The following ARPP21 variants were observed in gnomAD, a reference collection of about 807,000 sequenced individuals.
The protein encoded by ARPP21 is cAMP-regulated phosphoprotein 21.
In ARPP21, 69 loss-of-function variants were observed where a neutral mutation model predicts 113.2. The ratio of observed to expected loss-of-function variants is 0.61; its 90% CI spans 0.50 to 0.74. The LOEUF (loss-of-function observed/expected upper bound fraction) is 0.74. Ranked by LOEUF, ARPP21 falls within the 30% of genes least tolerant of loss-of-function variation. The pLI, the probability that ARPP21 is intolerant of heterozygous loss-of-function variation, is 0.00. For missense variants in ARPP21, 1,070 were observed against 1,037.4 expected (o/e 1.03, Z -0.43); for synonymous variants, 368 against 375.5 (o/e 0.98, Z 0.23).
At chr3:35,663,488 A>C (rs1575552151) in intron 1 of ARPP21, among the ~76,000 whole-genome samples, 1 of 152,202 alleles carries the variant, frequency 6.6e-6, no homozygotes, top group East Asian at 1.9e-4. Context: ...AATGGAGATA[A>C]TTGTGTAACA....
At chr3:35,753,858 A>C (rs2095483505) in intron 19 of ARPP21, among the ~76,000 whole-genome samples, 2 of 152,004 alleles carry the variant, frequency 1.3e-5, no homozygotes, top group Non-Finnish European at 2.9e-5. Context: ...AATGTACCTT[A>C]ATGGAATTTA....
intron 11 of ARPP21, 195 bp from the exon 12 acceptor site, chr3:35,715,244 C>A (rs1053663505): frequency 2.0e-5 from 11 of 546,850 alleles, no homozygotes; most frequent in African/African-American, 1.9e-4. Context: ...AGGAAAAATA[C>A]CCTATGCTGC....
chr3:35,683,170 A>G (rs1271141047), intron 4 of ARPP21, among the ~76,000 whole-genome samples: 3 of 151,806 alleles, frequency 2.0e-5, no homozygotes, highest in Non-Finnish European at 4.4e-5. Context: ...AGTACTTTAC[A>G]AAACAAATGA....
At chr3:35,728,849 T>C (rs554480129) in intron 14 of ARPP21, among the ~76,000 whole-genome samples, 152 of 152,300 alleles carry the variant, frequency 1.0e-3, no homozygotes, top group African/African-American at 3.4e-3. Flanking sequence ...TTCAGAACCA[T>C]GCACATGAAC....
chr3:35,675,643 T>C lies in ARPP21; in HGVS notation c.-212-4144T>C, dbSNP rs80337026. Among the ~76,000 whole-genome samples, 586 of 152,068 alleles carry C rather than the reference T, an allele frequency of 3.9e-3. 7 individuals carry two copies. The highest frequency in any genetic ancestry group is 0.013 in the African/African-American group (547 of 41,546). On this transcript the variant is annotated intron_variant, in intron 1 of 20. Coordinates refer to ENST00000684406, the MANE Select transcript of ARPP21 (RefSeq NM_001385562.1). ...GAAATATGATGTCTGTTACCCTTTG[T>C]TGGTGAAAGCACATTGGCTGTACAT...
chr3:35,775,380 T>C (rs2096329723), intron 19 of ARPP21, among the ~76,000 whole-genome samples: 2 of 152,208 alleles, frequency 1.3e-5, no homozygotes, highest in African/African-American at 2.4e-5. Flanking sequence ...TTTATAAAAA[T>C]GTATATGCAT....
chr3:35,752,662 C>T (rs2095440395), intron 19 of ARPP21, among the ~76,000 whole-genome samples: 1 of 152,050 alleles, frequency 6.6e-6, no homozygotes, highest in African/African-American at 2.4e-5. Flanking sequence ...AGTGCAGAAG[C>T]TCTGGAGTGT....
intron 6 of ARPP21, among the ~76,000 whole-genome samples, 183 bp from the exon 7 acceptor site, chr3:35,689,124 G>T (rs189824207): frequency 6.6e-6 from 1 of 151,434 alleles, no homozygotes; most frequent in Non-Finnish European, 1.5e-5. Flanking sequence ...TTTCAATCCC[G>T]GAATCTAATT....
intron 19 of ARPP21, among the ~76,000 whole-genome samples, chr3:35,762,741 C>T (rs1359460028): frequency 6.6e-6 from 1 of 152,052 alleles, no homozygotes; most frequent in African/African-American, 2.4e-5. Context: ...GACGATGGTT[C>T]CAATTTATTC....
Position 35,739,378 on chromosome 3 carries a change from C to T in ARPP21, c.1811C>T (p.Thr604Ile). 1.2e-6 allele frequency: 2 copies of T among 1,614,158 alleles called. No homozygotes were observed. The highest frequency in any genetic ancestry group is 1.7e-6 in the Non-Finnish European group (2 of 1,180,026). The change falls in exon 18 of 21, where the codon ACT becomes ATT. Residue 604 changes from threonine to isoleucine, a missense_variant. Transcript: ENST00000684406. ...CTGAGCCGGCAGTCCTCGGGGGAGACTCCTGAACCCCCATCAGGTCCTGTC... is the reference window on the plus strand; with the variant it reads ...CTGAGCCGGCAGTCCTCGGGGGAGATTCCTGAACCCCCATCAGGTCCTGTC... The part of the protein sequence containing the change: ...MTLSRQSSGE[T>I]PEPPSGPVYP...
In ARPP21 at chr3:35,761,203, G is replaced by A. The variant is rs111981829; in HGVS notation, c.2137+17238G>A. On this transcript the variant is annotated intron_variant, in intron 19 of 20. Coordinates refer to ENST00000684406, the MANE Select transcript of ARPP21 (RefSeq NM_001385562.1). The stretch of plus-strand genomic sequence containing the variant: ...CAAATTTTCTTCCACGTTTTCAAAG[G>A]CATCTAGGTTGTCAGGAACACTGTC... 1.5e-3 allele frequency among the ~76,000 whole-genome samples: 222 copies of A among 152,150 alleles called. 3 individuals are homozygous for A. Among genetic ancestry groups the A allele is most frequent in the Middle Eastern group, 0.014 (4 of 294 alleles).
rs185119668 is a variant in ARPP21 at position 35,686,874 on chromosome 3, T to C, written c.262-865T>C. The stretch of plus-strand genomic sequence containing the variant: ...AACATACTATCAATCAAATTGCTGA[T>C]ATATGTGAGTTAATACAAAATAATC... On this transcript the variant is annotated intron_variant, in intron 5 of 20. Coordinates refer to ENST00000684406, the MANE Select transcript of ARPP21 (RefSeq NM_001385562.1). 4.0e-5 allele frequency among the ~76,000 whole-genome samples: 6 copies of C among 151,626 alleles called. No homozygotes were observed. The East Asian group carries it at 1.2e-3, about 30-fold the overall frequency.
chr3:35,652,008 C>G (rs1224227285), intron 1 of ARPP21: 1 of 152,094 alleles, frequency 6.6e-6, no homozygotes, highest in African/African-American at 2.4e-5. Flanking sequence ...AGAAGGCACT[C>G]CTTGCACAGA....
intron 12 of ARPP21, among the ~76,000 whole-genome samples, chr3:35,716,004 T>A (rs1190421430): frequency 2.6e-5 from 4 of 152,144 alleles, no homozygotes; most frequent in Non-Finnish European, 5.9e-5. Flanking sequence ...GGCCTAGATT[T>A]AGCAGTGTAC....
chr3:35,773,904 G>A (rs111311083), intron 19 of ARPP21, among the ~76,000 whole-genome samples: 2 of 152,198 alleles, frequency 1.3e-5, no homozygotes, highest in Non-Finnish European at 1.5e-5. Flanking sequence ...CATTAACAAG[G>A]CAATATCAAC....
At chr3:35,665,406 T>C (rs1253528458) in intron 1 of ARPP21, among the ~76,000 whole-genome samples, 1 of 152,116 alleles carries the variant, frequency 6.6e-6, no homozygotes, top group Non-Finnish European at 1.5e-5. Context: ...AAATTTAAAG[T>C]AAGTGGAAAG....
chr3:35,720,857 T>A (rs1293307209), intron 13 of ARPP21, among the ~76,000 whole-genome samples: 1 of 152,232 alleles, frequency 6.6e-6, no homozygotes, highest in East Asian at 1.9e-4. Flanking sequence ...AATGTGTTCT[T>A]TCACCTGAGG....
chr3:35,699,088 G>A (rs2085228856), intron 9 of ARPP21, among the ~76,000 whole-genome samples: 1 of 151,726 alleles, frequency 6.6e-6, no homozygotes, highest in Non-Finnish European at 1.5e-5. Flanking sequence ...TCAAGACTGT[G>A]TGTGTGTGTA....
intron 12 of ARPP21, among the ~76,000 whole-genome samples, chr3:35,716,869 T>C (rs2092476231): frequency 6.6e-6 from 1 of 152,064 alleles, no homozygotes. Flanking sequence ...TTGATGGTCC[T>C]GGAAACCAAA....
Sources: allele counts gnomAD v4.1 joint callset (sites outside exome capture counted in the v4.1 genomes callset), GRCh38; gene constraint gnomAD v4.1.1; transcripts MANE v1.5; gene names NCBI Gene and HGNC (gene_info 2026-07-23, HGNC 2026-07-21).